Variants in CTNNBL1 observed in about 807,000 individuals in gnomAD.
CTNNBL1 encodes the protein beta-catenin-like protein 1.
CTNNBL1 carries 31 observed loss-of-function variants against 72.7 expected under a neutral mutation model. The observed-to-expected ratio is 0.43, with a 90% CI of 0.32 to 0.58. The LOEUF is 0.58. Ranked by LOEUF, CTNNBL1 falls within the 20% of genes least tolerant of loss-of-function variation. CTNNBL1 has a pLI of 0.08. For missense variants in CTNNBL1, 534 were observed against 725.1 expected (o/e 0.74, Z 3.03); for synonymous variants, 240 against 267.3 (o/e 0.90, Z 1.00).
intron 1 of CTNNBL1, among the ~76,000 whole-genome samples, chr20:37,701,269 G>A (rs2072839507): frequency 6.6e-6 from 1 of 152,090 alleles, no homozygotes; most frequent in African/African-American, 2.4e-5. Flanking sequence ...TTCTACAATT[G>A]GATGTTTAGG....
Position 37,871,994 on chromosome 20 carries a change from G to A in CTNNBL1, c.1673G>A (p.Gly558Asp). The change falls in exon 16 of 16, where the codon GGC becomes GAC. Residue 558 changes from glycine (G) to aspartate (D), a missense_variant. By Grantham distance (94) the Gly-to-Asp change is moderately conservative. Coordinates refer to ENST00000361383, the MANE Select transcript of CTNNBL1 (RefSeq NM_030877.5). ...FRENEQKRIL[G>D]LLENF ...GAGAACGAGCAAAAGCGCATCCTGG[G>A]CTTGCTGGAGAACTTCTAGAGGCAC... 2.5e-6 allele frequency: 4 copies of A among 1,614,120 alleles called. No homozygotes were observed. Among genetic ancestry groups the A allele is most frequent in the Non-Finnish European group, 3.4e-6 (4 of 1,180,010 alleles).
chr20:37,797,092 G>T (rs1454695216), intron 10 of CTNNBL1, among the ~76,000 whole-genome samples: 1 of 152,062 alleles, frequency 6.6e-6, no homozygotes, highest in Non-Finnish European at 1.5e-5. Flanking sequence ...GCCTGTGGTC[G>T]TATTTATTAT....
chr20:37,731,064 T>C (rs1197982580), intron 1 of CTNNBL1, among the ~76,000 whole-genome samples: 1 of 152,190 alleles, frequency 6.6e-6, no homozygotes, highest in Admixed American at 6.5e-5. Context: ...ATGTTTACAG[T>C]CTGGAATGAT....
intron 13 of CTNNBL1, among the ~76,000 whole-genome samples, chr20:37,845,116 C>T (rs2072336414): frequency 6.6e-6 from 1 of 152,156 alleles, no homozygotes. Context: ...TTTAGTAAGC[C>T]TTTTTAGTAA....
At chr20:37,708,331 C>G (rs2072907852) in intron 1 of CTNNBL1, among the ~76,000 whole-genome samples, 1 of 151,964 alleles carries the variant, frequency 6.6e-6, no homozygotes, top group African/African-American at 2.4e-5. Flanking sequence ...GCCACCATGC[C>G]CAGCTAATTT....
At chr20:37,831,995 G>T (rs575312840) in intron 11 of CTNNBL1, among the ~76,000 whole-genome samples, 1 of 152,300 alleles carries the variant, frequency 6.6e-6, no homozygotes, top group East Asian at 1.9e-4. Context: ...ACTTAGATGT[G>T]CTGTGTCCTT....
At chr20:37,838,769 C>A (rs543993717) in intron 11 of CTNNBL1, among the ~76,000 whole-genome samples, 1 of 152,184 alleles carries the variant, frequency 6.6e-6, no homozygotes, top group South Asian at 2.1e-4. Flanking sequence ...CACCTGTAAT[C>A]CCAGCTACTC....
intron 11 of CTNNBL1, among the ~76,000 whole-genome samples, chr20:37,829,690 C>T (rs1166067426): frequency 3.3e-5 from 5 of 152,112 alleles, no homozygotes; most frequent in Non-Finnish European, 5.9e-5. Context: ...CTGTCATTCC[C>T]CCCTCTTCCC....
intron 15 of CTNNBL1, among the ~76,000 whole-genome samples, chr20:37,865,786 A>G (rs181544494): frequency 2.0e-5 from 3 of 152,360 alleles, no homozygotes; most frequent in African/African-American, 7.2e-5. Context: ...GCTACTGCAC[A>G]GTGGCTGGTT....
At chr20:37,739,691 G>A (rs2073198714) in intron 3 of CTNNBL1, among the ~76,000 whole-genome samples, 1 of 152,126 alleles carries the variant, frequency 6.6e-6, no homozygotes, top group Non-Finnish European at 1.5e-5. Context: ...TAACATCTTT[G>A]CCATTTGTTT....
rs747853541 is a variant in CTNNBL1 at position 37,859,976 on chromosome 20, C to G, written c.1470C>G (p.Leu490=). The change falls in exon 14 of 16, where the codon CTC becomes CTG. Residue 490 remains leucine (L), a synonymous_variant. Transcript: ENST00000361383. ...EFYLRRLDAG[L]FVLQHICYIM... ...ACCTCCGGCGCCTGGATGCGGGGCT[C>G]TTTGTTCTCCAGCACATCTGCTACA... is the stretch of plus-strand genomic sequence containing the variant. 14 of 1,614,194 alleles carry G rather than the reference C, an allele frequency of 8.7e-6. No individual in the cohort carries two copies. The highest frequency in any genetic ancestry group is 1.7e-4 in the Middle Eastern group (1 of 6,060).
intron 13 of CTNNBL1, among the ~76,000 whole-genome samples, chr20:37,853,664 G>A (rs1278544023): frequency 1.3e-5 from 2 of 152,252 alleles, no homozygotes; most frequent in Non-Finnish European, 1.5e-5. Context: ...TATGGAGTAA[G>A]ATGGGCAGAG....
intron 1 of CTNNBL1, among the ~76,000 whole-genome samples, chr20:37,710,196 T>C (rs2072925182): frequency 6.6e-6 from 1 of 152,240 alleles, no homozygotes; most frequent in Admixed American, 6.5e-5. Flanking sequence ...GCCTGAATTC[T>C]CTCATGACCT....
chr20:37,768,123 CTG>C (rs1254037341), intron 7 of CTNNBL1, 79 bp downstream of exon 7: 1 of 1,162,154 alleles, frequency 8.6e-7, no homozygotes, highest in Non-Finnish European at 1.3e-6. Context: ...TTGGCATAGA[CTG>C]TTATGCTGGG....
chr20:37,694,218 C>T lies in CTNNBL1; in HGVS notation c.30+66C>T, dbSNP rs995818650. 5.6e-6 allele frequency: 8 copies of T among 1,417,020 alleles called. No individual in the cohort carries two copies. In the Admixed American group the frequency reaches 1.6e-4, roughly 29 times the overall value. 87.8% of individuals were successfully genotyped at this position (1,417,020 alleles called of 1,614,324 possible). A position where few individuals can be genotyped will look rare whatever the true frequency, so the allele number is the denominator to read the frequency against. The stretch of plus-strand genomic sequence containing the variant: ...TGGGCAGGGGTCGCAGGAGCCAGAG[C>T]CCTTTCATCTCACCTCCTCTCGCCT... On this transcript the variant is annotated intron_variant, in intron 1 of 15. Coordinates refer to ENST00000361383, the MANE Select transcript of CTNNBL1 (RefSeq NM_030877.5).
At position 37,717,920 on chromosome 20, in the gene CTNNBL1, G is replaced by A. The variant is rs184013137; in HGVS notation, c.31-14959G>A. 3.3e-4 allele frequency among the ~76,000 whole-genome samples: 51 copies of A among 152,282 alleles called. No individual in the cohort carries two copies. In the East Asian group the frequency reaches 9.6e-3, roughly 29 times the overall value. On this transcript the variant is annotated intron_variant, in intron 1 of 15. Coordinates refer to ENST00000361383, the MANE Select transcript of CTNNBL1 (RefSeq NM_030877.5). The stretch of plus-strand genomic sequence containing the variant: ...CACATGTTTCAGGGAGCACAGGGTT[G>A]GGGGTAAGGTCACAGATCAACAGGA...
chr20:37,734,885 C>T (rs1305674743), intron 2 of CTNNBL1, among the ~76,000 whole-genome samples: 3 of 152,152 alleles, frequency 2.0e-5, no homozygotes, highest in Non-Finnish European at 4.4e-5. Flanking sequence ...GGCCAAACCC[C>T]GGAGAGGCTA....
intron 1 of CTNNBL1, among the ~76,000 whole-genome samples, chr20:37,714,099 G>A (rs2072964598): frequency 6.6e-6 from 1 of 151,634 alleles, no homozygotes; most frequent in Admixed American, 6.6e-5. Flanking sequence ...GAAGACCTTC[G>A]AGAATAAACT....
intron 9 of CTNNBL1, 76 bp from the exon 10 acceptor site, chr20:37,779,111 T>C (rs1302444091): frequency 2.1e-6 from 3 of 1,459,006 alleles, no homozygotes; most frequent in Admixed American, 3.4e-5. Flanking sequence ...CCACAGGTTT[T>C]AGGAATTGTT....
Sources: gnomAD v4.1 joint callset for allele counts (sites outside exome capture counted in the v4.1 genomes callset) on GRCh38, gnomAD v4.1.1 for gene constraint, MANE v1.5 for transcripts, NCBI Gene and HGNC (gene_info 2026-07-23, HGNC 2026-07-21) for gene names.